The following KMT2A variants were observed in gnomAD, a reference collection of about 807,000 sequenced individuals.
KMT2A encodes the protein histone-lysine N-methyltransferase 2A.
In KMT2A, 16 loss-of-function variants were observed where a neutral mutation model predicts 345.3. The ratio of observed to expected loss-of-function variants is 0.05; its 90% CI spans 0.03 to 0.07. KMT2A has a LOEUF of 0.07. Ranked by LOEUF, KMT2A falls within the 10% of genes least tolerant of loss-of-function variation. KMT2A has a pLI of 1.00. For synonymous variants in KMT2A, 1,599 were observed against 1,778.6 expected (o/e 0.90, Z 2.54); for missense variants, 3,272 against 4,841.6 (o/e 0.68, Z 9.62).
At chr11:118,470,430 G>A (rs1301935602) in intron 2 of KMT2A, among the ~76,000 whole-genome samples, 2 of 152,038 alleles carry the variant, frequency 1.3e-5, no homozygotes, top group Admixed American at 6.6e-5. Flanking sequence ...ATGACTACCA[G>A]TCTACCTTGA....
At chr11:118,464,414 A>G (rs1268326774) in intron 1 of KMT2A, among the ~76,000 whole-genome samples, 3 of 152,116 alleles carry the variant, frequency 2.0e-5, no homozygotes, top group African/African-American at 7.2e-5. Context: ...GCATGCCTGT[A>G]GTCCCAGCTA....
chr11:118,442,267 G>A (rs1284758816), intron 1 of KMT2A, among the ~76,000 whole-genome samples: 3 of 152,148 alleles, frequency 2.0e-5, no homozygotes, highest in Admixed American at 1.3e-4. Context: ...CACTACTTTG[G>A]GAGGAATTTA....
chr11:118,448,865 T>C (rs1284047653), intron 1 of KMT2A: 1 of 152,192 alleles, frequency 6.6e-6, no homozygotes, highest in Non-Finnish European at 1.5e-5. Context: ...AATTATAAAG[T>C]TGGATGTCAT....
chr11:118,450,716 A>C (rs1555028595), intron 1 of KMT2A: 1 of 152,210 alleles, frequency 6.6e-6, no homozygotes, highest in Non-Finnish European at 1.5e-5. Flanking sequence ...TCTGTTATGC[A>C]TTCAAATAAT....
At chr11:118,444,208 A>G (rs908159459) in intron 1 of KMT2A, among the ~76,000 whole-genome samples, 3 of 152,232 alleles carry the variant, frequency 2.0e-5, no homozygotes, top group Non-Finnish European at 4.4e-5. Flanking sequence ...TCCTACACCT[A>G]GAGAAAGAAA....
rs1555047466 is a variant in KMT2A at position 118,504,884 on chromosome 11, A to G, written c.8992A>G (p.Ile2998Val). The G allele has an allele frequency of 1.2e-6, 2 of 1,614,196 alleles. No homozygotes were observed. The highest frequency in any genetic ancestry group is 1.1e-5 in the South Asian group (1 of 91,088). Residue 2998 changes from isoleucine (I) to valine (V), a missense_variant, in exon 27 of 36, where the codon ATC (isoleucine) becomes GTC (valine). Physicochemically the swap from Ile to Val is conservative, Grantham distance 29 (BLOSUM62 3). Transcript: ENST00000534358. The surrounding 1 kb of genome is among the most constrained non-coding windows in gnomAD (Gnocchi z 6.4). The part of the protein sequence containing the change: ...PEGHMTPDHF[I>V]QGHMDADHIS... Reference sequence around the variant, plus strand: ...AGGCCACATGACTCCTGATCATTTTATCCAAGGACACATGGATGCAGACCA... The same window carrying G: ...AGGCCACATGACTCCTGATCATTTTGTCCAAGGACACATGGATGCAGACCA...
At chr11:118,514,601 C>T (rs572230921) in intron 31 of KMT2A, among the ~76,000 whole-genome samples, 45 of 151,546 alleles carry the variant, frequency 3.0e-4, no homozygotes, top group African/African-American at 1.1e-3. Context: ...CTACCACACC[C>T]GGCTATTTTT....
chr11:118,481,780 G>A lies in KMT2A; in HGVS notation c.3700G>A (p.Val1234Met), dbSNP rs374632181. 32 of 1,614,196 alleles carry A rather than the reference G, an allele frequency of 2.0e-5. No homozygotes were observed. The African/African-American group carries it at 2.9e-4, about 15-fold the overall frequency. ...GAAAGACAGCAAAGAGAGCAGTGTT[G>A]TGAAGAACGTGGTGGACTCTAGTCA... is the stretch of plus-strand genomic sequence containing the variant. ...EKKDSKESSV[V>M]KNVVDSSQKP... Residue 1234 changes from valine (V) to methionine (M), a missense_variant, in exon 7 of 36, where the codon GTG (valine) becomes ATG (methionine). Transcript: ENST00000534358.
Position 118,481,837 on chromosome 11 carries a change from G to A in KMT2A, c.3757G>A (p.Ala1253Thr). 2.5e-6 allele frequency: 4 copies of A among 1,614,190 alleles called. No individual in the cohort carries two copies. The highest frequency in any genetic ancestry group is 3.4e-6 in the Non-Finnish European group (4 of 1,180,042). The part of the protein sequence containing the change: ...KPTPSAREDP[A>T]PKKSSSEPPP... ...TACCCCATCAGCAAGAGAGGATCCT[G>A]CCCCAAAGAAAAGCAGTAGTGAGCC... is the stretch of plus-strand genomic sequence containing the variant. Residue 1253 changes from alanine (A) to threonine (T), a missense_variant, in exon 7 of 36, where the codon GCC becomes ACC. By Grantham distance (58) the Ala-to-Thr change is moderately conservative (BLOSUM62 0). Transcript: ENST00000534358.
intron 1 of KMT2A, among the ~76,000 whole-genome samples, chr11:118,437,886 G>A (rs1390710421): frequency 6.6e-6 from 1 of 152,154 alleles, no homozygotes; most frequent in African/African-American, 2.4e-5. Context: ...CAGCTCTGGG[G>A]AAGGGGGCCC....
At position 118,495,164 on chromosome 11, in the gene KMT2A, A is replaced by ATTTT. The variant is rs1204776106; in HGVS notation, c.5363+407_5363+410dup. 3.5e-5 allele frequency among the ~76,000 whole-genome samples: 5 copies of ATTTT among 141,034 alleles called. No homozygotes were observed. Among genetic ancestry groups the ATTTT allele is most frequent in the African/African-American group, 1.1e-4 (4 of 37,896 alleles). The allele number at this position is 141,034 out of a possible 152,430, so 92.5% of individuals were successfully genotyped here. A position where few individuals can be genotyped will look rare whatever the true frequency, so the allele number is the denominator to read the frequency against. ...TTGATTTGATTTTATTTATTTATTTATTTTTTTTTTTTTGAGACGGAGTCT... is the reference window on the plus strand; with the variant it reads ...TTGATTTGATTTTATTTATTTATTTATTTTTTTTTTTTTTTTTGAGACGGAGTCT... On this transcript the variant is annotated intron_variant, in intron 18 of 35. Transcript: ENST00000534358. The surrounding 1 kb of genome is among the most constrained non-coding windows in gnomAD (Gnocchi z 4.1).
intron 30 of KMT2A, 23 bp from the exon 31 acceptor site, chr11:118,511,928 G>A (rs782816031): frequency 1.4e-5 from 22 of 1,607,658 alleles, no homozygotes; most frequent in Admixed American, 5.0e-5. Context: ...TCTGGCTTAC[G>A]GGTTTTCTTT....
intron 1 of KMT2A, among the ~76,000 whole-genome samples, chr11:118,442,796 A>C (rs1555026204): frequency 6.6e-6 from 1 of 152,216 alleles, no homozygotes; most frequent in African/African-American, 2.4e-5. Context: ...CTTTTCTGGA[A>C]AAAGTAGTTT....
rs1305173028 is a variant in KMT2A at position 118,490,509 on chromosome 11, TA to T, written c.4696+261del. Among the ~76,000 whole-genome samples the T allele has an allele frequency of 6.6e-6, 1 of 152,130 alleles. No individual in the cohort carries two copies. Among genetic ancestry groups the T allele is most frequent in the Non-Finnish European group, 1.5e-5 (1 of 68,026 alleles). On this transcript the variant is annotated intron_variant, in intron 13 of 35. Coordinates refer to ENST00000534358, the MANE Select transcript of KMT2A (RefSeq NM_001197104.2). This position sits in a 1 kb window ranked among gnomAD's most constrained non-coding sequence, Gnocchi z 4.2. ...CTAGTATTTCCCAAAGTGTGATATA[TA>T]TATTATATATTTGATTATTTCAGAC...
chr11:118,511,914 A>G (rs781934445), intron 30 of KMT2A, 37 bp from the exon 31 acceptor site: 1 of 1,568,804 alleles, frequency 6.4e-7, no homozygotes, highest in South Asian at 1.1e-5. Flanking sequence ...TTACGTGCAT[A>G]TTTTCTGGCT....
chr11:118,445,564 A>C (rs782004439), intron 1 of KMT2A, among the ~76,000 whole-genome samples: 11 of 152,260 alleles, frequency 7.2e-5, no homozygotes, highest in Non-Finnish European at 1.5e-4. Context: ...TGGTCTACAG[A>C]GATCAATGCA....
chr11:118,501,027 C>T lies in KMT2A; in HGVS notation c.6199C>T (p.Arg2067Cys), dbSNP rs1950491685. ...VYWSTTDARK[R>C]CVYTCKIVEC... ...CTGGAGCACCACAGATGCTCGCAAGCGCTGTGTATATACATGCAAGATAGT... is the reference window on the plus strand; with the variant it reads ...CTGGAGCACCACAGATGCTCGCAAGTGCTGTGTATATACATGCAAGATAGT... Residue 2067 changes from arginine (R) to cysteine (C), a missense_variant, in exon 25 of 36, where the codon CGC (arginine) becomes TGC (cysteine). This residue lies in a region of KMT2A where 235 missense variants were observed against 503.4 expected (regional missense o/e 0.47). Transcript: ENST00000534358. 1 of 1,613,904 alleles carries T rather than the reference C, an allele frequency of 6.2e-7. No homozygotes were observed. Among genetic ancestry groups the T allele is most frequent in the Non-Finnish European group, 8.5e-7 (1 of 1,179,838 alleles).
At position 118,495,034 on chromosome 11, in the gene KMT2A, G is replaced by A. The variant is rs114816148; in HGVS notation, c.5363+267G>A. On this transcript the variant is annotated intron_variant, in intron 18 of 35. Transcript: ENST00000534358. This position sits in a 1 kb window ranked among gnomAD's most constrained non-coding sequence, Gnocchi z 4.1. ...ACATGTGTGGTACAGCCATGTAGCT[G>A]GCCTTGTTATAAATGGGTTCTGTTT... is the stretch of plus-strand genomic sequence containing the variant. 4.5e-3 allele frequency among the ~76,000 whole-genome samples: 685 copies of A among 152,208 alleles called. 10 individuals carry two copies. Among genetic ancestry groups the A allele is most frequent in the African/African-American group, 0.016 (671 of 41,540 alleles).
At chr11:118,507,366 C>T (rs1375919385) in intron 27 of KMT2A, among the ~76,000 whole-genome samples, 163 bp from the exon 28 acceptor site, 1 of 152,170 alleles carries the variant, frequency 6.6e-6, no homozygotes, top group Non-Finnish European at 1.5e-5. Context: ...GTCAGTGCCC[C>T]CTCAAAGTAA....
Sources: allele counts gnomAD v4.1 joint callset (sites outside exome capture counted in the v4.1 genomes callset), GRCh38; gene constraint gnomAD v4.1.1; regional missense constraint gnomAD v4.1.1; non-coding constraint Gnocchi (gnomAD v3.1); transcripts MANE v1.5; gene names NCBI Gene and HGNC (gene_info 2026-07-23, HGNC 2026-07-21).